The following MANBAL variants were observed in gnomAD, a reference collection of about 807,000 sequenced individuals.
MANBAL encodes the protein protein MANBAL.
A neutral mutation model predicts 6.4 loss-of-function variants in MANBAL; 1 was observed. That is an observed-to-expected ratio of 0.16 (90% CI 0.06 to 0.74). The LOEUF (loss-of-function observed/expected upper bound fraction) is 0.74, where lower values mean the gene tolerates loss of function less well. Ranked by LOEUF, MANBAL falls within the 30% of genes least tolerant of loss-of-function variation. The pLI is 0.78. For missense variants in MANBAL, 100 were observed against 107.8 expected (o/e 0.93, Z 0.32); for synonymous variants, 47 against 45.8 (o/e 1.03, Z -0.10).
chr20:37,293,862 C>T (rs868372498), intron 1 of MANBAL, among the ~76,000 whole-genome samples: 1 of 152,222 alleles, frequency 6.6e-6, no homozygotes, highest in Non-Finnish European at 1.5e-5. Flanking sequence ...CCTATTCCCC[C>T]ACTACCCTTT....
intron 2 of MANBAL, among the ~76,000 whole-genome samples, chr20:37,314,177 G>A (rs1808284305): frequency 6.6e-6 from 1 of 152,220 alleles, no homozygotes; most frequent in Admixed American, 6.5e-5. Flanking sequence ...AGGGGGTCAT[G>A]TCAGCAGGAC....
intron 2 of MANBAL, chr20:37,302,295 GC>G: frequency 6.4e-7 from 1 of 1,550,556 alleles, no homozygotes; most frequent in Non-Finnish European, 8.7e-7. Context: ...CCATGTAGAG[GC>G]CTGATTCCAT....
chr20:37,292,031 GT>G (rs1260676371), intron 1 of MANBAL, among the ~76,000 whole-genome samples: 6 of 152,198 alleles, frequency 3.9e-5, no homozygotes, highest in African/African-American at 1.2e-4. Flanking sequence ...ATCGATATGA[GT>G]TATCATTGTT....
Position 37,315,681 on chromosome 20 carries a change from C to G in MANBAL, c.151-627C>G, listed in dbSNP as rs546868353. On this transcript the variant is annotated intron_variant, in intron 2 of 2. Transcript: ENST00000373606. ...CCCCGAGGCTGCCTCTGCCCTCCCC[C>G]ACAGAGGCACCTCTGACAGGCTCCG... 3.7e-3 allele frequency among the ~76,000 whole-genome samples: 566 copies of G among 152,348 alleles called. 5 individuals carry two copies. Among genetic ancestry groups the G allele is most frequent in the African/African-American group, 0.012 (509 of 41,582 alleles).
At chr20:37,306,792 A>G (rs1239716162) in intron 2 of MANBAL, among the ~76,000 whole-genome samples, 2 of 152,196 alleles carry the variant, frequency 1.3e-5, no homozygotes, top group East Asian at 3.9e-4. Flanking sequence ...AAATTGATCA[A>G]TGATGTCTGT....
At chr20:37,291,306 A>G (rs1163167342) in intron 1 of MANBAL, among the ~76,000 whole-genome samples, 1 of 152,206 alleles carries the variant, frequency 6.6e-6, no homozygotes, top group Non-Finnish European at 1.5e-5. Flanking sequence ...TACTGAACCA[A>G]TATTGATACA....
rs73295454 is a variant in MANBAL at position 37,299,939 on chromosome 20, A to G, written c.-56-1269A>G. ...TAGGAGTGGGGGCCCTGCTGAGAGG[A>G]GAGGCTGGAGAGCTGGGCTGAGGCT... On this transcript the variant is annotated intron_variant, in intron 1 of 2. Coordinates refer to ENST00000373606, the MANE Select transcript of MANBAL (RefSeq NM_001003897.2). 5.7e-3 allele frequency among the ~76,000 whole-genome samples: 872 copies of G among 152,174 alleles called. 10 individuals are homozygous for G. The highest frequency in any genetic ancestry group is 0.02 in the African/African-American group (831 of 41,498).
chr20:37,315,389 A>C (rs1568605614), intron 2 of MANBAL, among the ~76,000 whole-genome samples: 1 of 152,124 alleles, frequency 6.6e-6, no homozygotes, highest in Non-Finnish European at 1.5e-5. Flanking sequence ...CCAGAGGAGG[A>C]GAGGACACTA....
chr20:37,315,442 G>A (rs1243725382), intron 2 of MANBAL, among the ~76,000 whole-genome samples: 1 of 152,130 alleles, frequency 6.6e-6, no homozygotes, highest in Admixed American at 6.6e-5. Context: ...TCTCTGACAT[G>A]AGCCTGAGTG....
chr20:37,303,529 T>A (rs765336299), intron 2 of MANBAL, among the ~76,000 whole-genome samples: 1 of 152,192 alleles, frequency 6.6e-6, no homozygotes, highest in Non-Finnish European at 1.5e-5. Flanking sequence ...TTGTTCTCAA[T>A]AACATTAACA....
chr20:37,300,593 A>G (rs749626861), intron 1 of MANBAL, among the ~76,000 whole-genome samples: 8 of 152,238 alleles, frequency 5.3e-5, no homozygotes, highest in African/African-American at 1.4e-4. Flanking sequence ...GGATGACTAC[A>G]TGAATAAATA....
rs2069125986 is a variant in MANBAL at position 37,301,190 on chromosome 20, ACCCTTT to A, written c.-56-17_-56-12del. The A allele has an allele frequency of 7.5e-7, 1 of 1,325,820 alleles. No homozygotes were observed. The highest frequency in any genetic ancestry group is 1.5e-5 in the African/African-American group (1 of 66,860). 82.1% of individuals were successfully genotyped at this position (1,325,820 alleles called of 1,614,324 possible). ...TGTCAGTTACAGAAATATGACACTG[ACCCTTT>A]GCATTTACAAGTTGGTTCTAAAGAG... On this transcript the variant is annotated splice_polypyrimidine_tract_variant and intron_variant, in intron 1 of 2. Coordinates refer to ENST00000373606, the MANE Select transcript of MANBAL (RefSeq NM_001003897.2).
At chr20:37,298,608 C>T (rs985026014) in intron 1 of MANBAL, among the ~76,000 whole-genome samples, 1 of 152,138 alleles carries the variant, frequency 6.6e-6, no homozygotes, top group African/African-American at 2.4e-5. Context: ...CTGAGTAATA[C>T]TCCATTGTAT....
At chr20:37,304,057 A>T (rs2069202539) in intron 2 of MANBAL, among the ~76,000 whole-genome samples, 1 of 152,226 alleles carries the variant, frequency 6.6e-6, no homozygotes, top group Non-Finnish European at 1.5e-5. Context: ...GCTCATCTAC[A>T]ATATACCAGT....
chr20:37,306,219 A>G (rs539043472), intron 2 of MANBAL, among the ~76,000 whole-genome samples: 1 of 152,284 alleles, frequency 6.6e-6, no homozygotes, highest in African/African-American at 2.4e-5. Flanking sequence ...GCCTATAGAA[A>G]CAGGGTTTAT....
intron 2 of MANBAL, among the ~76,000 whole-genome samples, chr20:37,307,200 A>C (rs1489278525): frequency 6.6e-6 from 1 of 152,166 alleles, no homozygotes; most frequent in Admixed American, 6.5e-5. Context: ...TCCTGGGCTC[A>C]GGTGATTCTC....
intron 1 of MANBAL, among the ~76,000 whole-genome samples, chr20:37,290,416 T>G (rs1281211483): frequency 6.6e-6 from 1 of 151,626 alleles, no homozygotes; most frequent in Non-Finnish European, 1.5e-5. Flanking sequence ...CCCATTGCCA[T>G]AAAGCGGTAA....
intron 2 of MANBAL, chr20:37,302,360 A>C: frequency 6.5e-7 from 1 of 1,549,240 alleles, no homozygotes; most frequent in East Asian, 2.4e-5. Context: ...TGTACTCCCT[A>C]CTGTGTGGCA....
intron 1 of MANBAL, among the ~76,000 whole-genome samples, chr20:37,296,115 T>C (rs2068990289): frequency 6.6e-6 from 1 of 152,184 alleles, no homozygotes; most frequent in Non-Finnish European, 1.5e-5. Flanking sequence ...GTTAATTAGT[T>C]AAATAAAATG....
Sources: gnomAD v4.1 joint callset for allele counts (sites outside exome capture counted in the v4.1 genomes callset) on GRCh38, gnomAD v4.1.1 for gene constraint, MANE v1.5 for transcripts, NCBI Gene and HGNC (gene_info 2026-07-23, HGNC 2026-07-21) for gene names.